The following DYRK4 variants were observed in gnomAD, a reference collection of about 807,000 sequenced individuals.
The protein encoded by DYRK4 is dual specificity tyrosine-phosphorylation-regulated kinase 4.
Under a neutral mutation model 68.3 loss-of-function variants are expected in DYRK4, and 64 were observed. The ratio of observed to expected loss-of-function variants is 0.94; its 90% CI spans 0.77 to 1.15. The LOEUF is 1.15. DYRK4 is among the 50% of genes most tolerant of loss of function. DYRK4 has a pLI of 0.00. For missense variants in DYRK4, 740 were observed against 764.7 expected (o/e 0.97, Z 0.38); for synonymous variants, 274 against 289.9 (o/e 0.95, Z 0.56).
chr12:4,582,870 G>A (rs1196707130), intron 2 of DYRK4, among the ~76,000 whole-genome samples: 3 of 152,194 alleles, frequency 2.0e-5, no homozygotes, highest in African/African-American at 7.2e-5. Flanking sequence ...TTGTGAGCCA[G>A]GACTTCTGCT....
rs562964697 is a variant in DYRK4 at position 4,562,303 on chromosome 12, G to T, written c.38+20G>T. 4.6e-6 allele frequency: 7 copies of T among 1,530,780 alleles called. No homozygotes were observed. Among genetic ancestry groups the T allele is most frequent in the Non-Finnish European group, 6.1e-6 (7 of 1,144,558 alleles). The allele number at this position is 1,530,780 out of a possible 1,614,324, so 94.8% of individuals were successfully genotyped here. On this transcript the variant is annotated intron_variant, in intron 1 of 14. Transcript: ENST00000543431. ...AACAAAGTAAGGGCCGCGGAGGCTC[G>T]TACTTCACGAGCAGTCAGGCGCGAG...
chr12:4,567,538 C>G (rs900463247), intron 1 of DYRK4, among the ~76,000 whole-genome samples: 1 of 152,112 alleles, frequency 6.6e-6, no homozygotes. Context: ...CAAACATGGC[C>G]AAATGAGAGT....
intron 11 of DYRK4, among the ~76,000 whole-genome samples, chr12:4,605,697 C>A (rs1462343682): frequency 7.1e-6 from 1 of 140,972 alleles, no homozygotes; most frequent in African/African-American, 2.6e-5. Context: ...TCTTATTGGG[C>A]ATACAGCTCT....
rs1945126389 is a variant in DYRK4, at chr12:4,605,027, A to T, written c.1240A>T (p.Thr414Ser). Residue 414 changes from threonine (T) to serine (S), a missense_variant, in exon 11 of 15, where the codon ACG becomes TCG. By Grantham distance (58) the Thr-to-Ser change is moderately conservative. Coordinates refer to ENST00000543431, the MANE Select transcript of DYRK4 (RefSeq NM_001394779.1). ...SLGCITAELY[T>S]GYPLFPGENE... The stretch of plus-strand genomic sequence containing the variant: ...GGGCTGCATCACGGCGGAGTTGTAC[A>T]CGGGCTACCCCCTGTTCCCCGGGGA... 7 of 1,614,102 alleles carry T rather than the reference A, an allele frequency of 4.3e-6. No individual in the cohort carries two copies. The East Asian group carries it at 1.6e-4, about 36-fold the overall frequency.
In DYRK4 at chr12:4,602,424, G is replaced by T. The variant is rs780580546; in HGVS notation, c.1127-2490G>T. On this transcript the variant is annotated intron_variant, in intron 10 of 14. Transcript: ENST00000543431. ...AAGACAGTATGTTGAGGTCACTGAT[G>T]AGATATGTGCAGACTGTCCTGATTA... 2.7e-5 allele frequency: 27 copies of T among 1,000,714 alleles called. 1 individual carries two copies. The highest frequency in any genetic ancestry group is 4.1e-5 in the Non-Finnish European group (26 of 627,500). The allele number at this position is 1,000,714 out of a possible 1,614,324, so 62.0% of individuals were successfully genotyped here. A position where few individuals can be genotyped will look rare whatever the true frequency, so the allele number is the denominator to read the frequency against.
chr12:4,605,728 G>GTTTTTTTTTTTTTTTTTTTTTTTTTT (rs780888385), intron 11 of DYRK4, among the ~76,000 whole-genome samples: 1 of 68,938 alleles, frequency 1.5e-5, no homozygotes, highest in Non-Finnish European at 2.5e-5. Flanking sequence ...AATAGAGCTG[G>GTTTTTTTTTTTTTTTTTTTTTTTTTT]GTTTTTTTTT....
At chr12:4,605,197 G>A in intron 11 of DYRK4, 111 bp downstream of exon 11, 1 of 961,468 alleles carries the variant, frequency 1.0e-6, no homozygotes, top group Non-Finnish European at 1.5e-6. Flanking sequence ...TGTTGTTGTT[G>A]TTGTTGTTGA....
intron 2 of DYRK4, among the ~76,000 whole-genome samples, chr12:4,571,265 A>C (rs1224714901): frequency 1.3e-5 from 2 of 152,246 alleles, no homozygotes; most frequent in African/African-American, 4.8e-5. Flanking sequence ...TACTGAAGAC[A>C]CATTTCTATT....
intron 12 of DYRK4, among the ~76,000 whole-genome samples, chr12:4,609,245 C>T (rs1008353361): frequency 1.3e-5 from 2 of 152,192 alleles, no homozygotes; most frequent in Non-Finnish European, 2.9e-5. Flanking sequence ...ACTGCATCTT[C>T]GTCAGTGTTT....
chr12:4,576,043 A>C (rs1320212413), intron 2 of DYRK4, among the ~76,000 whole-genome samples: 1 of 152,228 alleles, frequency 6.6e-6, no homozygotes, highest in Non-Finnish European at 1.5e-5. Context: ...TGATGTTCAT[A>C]GTTTACATTA....
At chr12:4,586,705 TACAC>T (rs527544594) in intron 2 of DYRK4, among the ~76,000 whole-genome samples, 18 of 77,578 alleles carry the variant, frequency 2.3e-4, no homozygotes, top group East Asian at 6.3e-4. Context: ...CTGGGCTGCG[TACAC>T]ACACACACAC....
chr12:4,583,195 G>A (rs994100326), intron 2 of DYRK4, among the ~76,000 whole-genome samples: 1 of 152,094 alleles, frequency 6.6e-6, no homozygotes, highest in South Asian at 2.1e-4. Flanking sequence ...TCAGCTCACT[G>A]CAACCTCCAC....
intron 11 of DYRK4, 60 bp from the exon 12 acceptor site, chr12:4,607,267 C>T: frequency 6.2e-7 from 1 of 1,601,372 alleles, no homozygotes; most frequent in Admixed American, 1.7e-5. Context: ...ACGCTCCACC[C>T]CTCAGCCTTT....
intron 7 of DYRK4, 137 bp from the exon 8 acceptor site, chr12:4,596,452 G>T: frequency 6.7e-7 from 1 of 1,494,594 alleles, no homozygotes; most frequent in East Asian, 2.4e-5. Context: ...GGAGGTGAGA[G>T]TGTGGTATTT....
In DYRK4 at chr12:4,582,672, C is replaced by T. The variant is rs141292316; in HGVS notation, c.133-6265C>T. Among the ~76,000 whole-genome samples, 920 of 152,062 alleles carry T rather than the reference C, an allele frequency of 6.1e-3. 4 individuals carry two copies. Among genetic ancestry groups the T allele is most frequent in the Non-Finnish European group, 8.7e-3 (590 of 68,008 alleles). ...TGGCTGGGGCCCAAATGCGGGTGAA[C>T]GATGGGGACATGGACTGGATGACAT... is the stretch of plus-strand genomic sequence containing the variant. On this transcript the variant is annotated intron_variant, in intron 2 of 14. Transcript: ENST00000543431.
chr12:4,605,253 G>C (rs931398911), intron 11 of DYRK4, among the ~76,000 whole-genome samples, 167 bp downstream of exon 11: 3 of 152,236 alleles, frequency 2.0e-5, no homozygotes, highest in Admixed American at 6.5e-5. Context: ...CCTTGTACTT[G>C]TCAAGTCGAC....
At chr12:4,579,081 C>T (rs1465677325) in intron 2 of DYRK4, among the ~76,000 whole-genome samples, 1 of 152,086 alleles carries the variant, frequency 6.6e-6, no homozygotes, top group African/African-American at 2.4e-5. Context: ...TTGAGACCAT[C>T]CTGGCCAACA....
intron 1 of DYRK4, among the ~76,000 whole-genome samples, chr12:4,566,265 C>T (rs977431258): frequency 2.0e-5 from 3 of 152,310 alleles, no homozygotes; most frequent in East Asian, 1.9e-4. Context: ...CCAGGTTTAG[C>T]ATAGCCACGC....
In DYRK4 at chr12:4,591,052, T is replaced by C; in HGVS notation, c.325-108T>C. ...AATCGCTGTTTTCTCCCTGGAGAGG[T>C]AGGTAAAGAGCCTGGCTGAAGGTGG... On this transcript the variant is annotated intron_variant, in intron 4 of 14. Transcript: ENST00000543431. This position sits in a 1 kb window ranked among gnomAD's most constrained non-coding sequence, Gnocchi z 4.1. 3 of 1,306,846 alleles carry C rather than the reference T, an allele frequency of 2.3e-6. No individual in the cohort carries two copies. Among genetic ancestry groups the C allele is most frequent in the Non-Finnish European group, 3.2e-6 (3 of 951,608 alleles). The allele number at this position is 1,306,846 out of a possible 1,614,324, so 81.0% of individuals were successfully genotyped here. A position where few individuals can be genotyped will look rare whatever the true frequency, so the allele number is the denominator to read the frequency against.
Sources: allele counts gnomAD v4.1 joint callset (sites outside exome capture counted in the v4.1 genomes callset), GRCh38; gene constraint gnomAD v4.1.1; non-coding constraint Gnocchi (gnomAD v3.1); transcripts MANE v1.5; gene names NCBI Gene and HGNC (gene_info 2026-07-23, HGNC 2026-07-21).